The following MYLK variants were observed in gnomAD, a reference collection of about 807,000 sequenced individuals.
MYLK encodes the protein myosin light chain kinase, smooth muscle.
Under a neutral mutation model 203.4 loss-of-function variants are expected in MYLK, and 106 were observed. That is an observed-to-expected ratio of 0.52 (90% CI 0.45 to 0.61). The LOEUF is 0.61. Among genes scored for constraint, MYLK ranks in the 20% least tolerant of loss-of-function variants. The pLI is 0.00. For missense variants in MYLK, 2,072 were observed against 2,442.3 expected (o/e 0.85, Z 3.20); for synonymous variants, 867 against 959.5 (o/e 0.90, Z 1.78).
Position 123,879,873 on chromosome 3 carries a change from C to G in MYLK, c.-185-3256G>C, listed in dbSNP as rs1373183928. Among the ~76,000 whole-genome samples the G allele has an allele frequency of 3.9e-5, 6 of 152,176 alleles. No individual in the cohort carries two copies. In the East Asian group the frequency reaches 1.2e-3, roughly 29 times the overall value. On this transcript the variant is annotated intron_variant, in intron 1 of 33. Coordinates refer to ENST00000360304, the MANE Select transcript of MYLK (RefSeq NM_053025.4). ...GTTTCACCGCGTTAGCCAGGATGGT[C>G]TCAATCTCCTCACCTTGTGATCCAC...
At chr3:123,687,163 A>C (rs1267672177) in intron 19 of MYLK, among the ~76,000 whole-genome samples, 2 of 152,190 alleles carry the variant, frequency 1.3e-5, no homozygotes, top group African/African-American at 4.8e-5. Context: ...CAGAGGTTGC[A>C]GTGAGCCGAG....
intron 16 of MYLK, among the ~76,000 whole-genome samples, chr3:123,703,132 T>C (rs1370819542): frequency 6.6e-6 from 1 of 152,190 alleles, no homozygotes; most frequent in East Asian, 1.9e-4. Context: ...CGTTCTTGTG[T>C]ATTCTGCTGG....
chr3:123,834,659 T>C (rs1480962967), intron 2 of MYLK, among the ~76,000 whole-genome samples: 2 of 152,062 alleles, frequency 1.3e-5, no homozygotes, highest in East Asian at 1.9e-4. Context: ...ATGTCCTACA[T>C]TAAATAGAAT....
intron 2 of MYLK, among the ~76,000 whole-genome samples, chr3:123,851,762 C>G (rs2030833018): frequency 6.6e-6 from 1 of 152,030 alleles, no homozygotes; most frequent in South Asian, 2.1e-4. Flanking sequence ...ATTGCCCTGG[C>G]CAGAACTTCC....
At chr3:123,843,208 G>A (rs565829864) in intron 2 of MYLK, among the ~76,000 whole-genome samples, 14 of 152,246 alleles carry the variant, frequency 9.2e-5, no homozygotes, top group South Asian at 4.1e-4. Flanking sequence ...CAAAGATGCC[G>A]AAGACCAGAT....
At chr3:123,766,543 T>A (rs2063710310) in intron 4 of MYLK, among the ~76,000 whole-genome samples, 1 of 152,226 alleles carries the variant, frequency 6.6e-6, no homozygotes, top group African/African-American at 2.4e-5. Flanking sequence ...CTTACAGGGC[T>A]GGGGCTGGCG....
chr3:123,763,030 C>A (rs1482445041), intron 4 of MYLK, among the ~76,000 whole-genome samples: 1 of 152,174 alleles, frequency 6.6e-6, no homozygotes, highest in Non-Finnish European at 1.5e-5. Context: ...CCATCCCTTA[C>A]CCCCACAAAA....
chr3:123,715,838 T>G (rs1235999059), intron 13 of MYLK: 1 of 152,204 alleles, frequency 6.6e-6, no homozygotes, highest in East Asian at 1.9e-4. Flanking sequence ...TCCTTATAAG[T>G]GTGTTTTTCT....
chr3:123,743,935 G>C (rs2062937325), intron 5 of MYLK, among the ~76,000 whole-genome samples: 1 of 152,190 alleles, frequency 6.6e-6, no homozygotes, highest in Non-Finnish European at 1.5e-5. Context: ...AATCATGCCA[G>C]GATAGCAGGA....
chr3:123,637,678 G>T (rs1258311750), intron 29 of MYLK, among the ~76,000 whole-genome samples: 2 of 152,122 alleles, frequency 1.3e-5, no homozygotes, highest in African/African-American at 4.8e-5. Context: ...AGACAATGAG[G>T]ATGCCCAGAG....
At chr3:123,631,918 G>A (rs1479619318) in intron 29 of MYLK, among the ~76,000 whole-genome samples, 1 of 149,734 alleles carries the variant, frequency 6.7e-6, no homozygotes, top group Non-Finnish European at 1.5e-5. Context: ...TGCCCAGGCT[G>A]GAGTGCAGTG....
chr3:123,805,094 G>A (rs1440629728), intron 3 of MYLK, among the ~76,000 whole-genome samples: 5 of 151,832 alleles, frequency 3.3e-5, no homozygotes, highest in Admixed American at 1.3e-4. Context: ...GCCATCACTC[G>A]TTTGGCTCTG....
intron 19 of MYLK, among the ~76,000 whole-genome samples, chr3:123,688,331 C>T (rs1018180956): frequency 2.0e-5 from 3 of 152,078 alleles, no homozygotes; most frequent in Non-Finnish European, 4.4e-5. Context: ...AACTCTTGAT[C>T]GTGCCCCCCA....
chr3:123,839,969 A>T (rs2066553504), intron 2 of MYLK, among the ~76,000 whole-genome samples: 1 of 152,196 alleles, frequency 6.6e-6, no homozygotes, highest in Non-Finnish European at 1.5e-5. Context: ...AAAATAAGTC[A>T]CAATGAATAT....
intron 29 of MYLK, among the ~76,000 whole-genome samples, chr3:123,636,941 T>C (rs1488332317): frequency 6.6e-6 from 1 of 151,742 alleles, no homozygotes; most frequent in Non-Finnish European, 1.5e-5. Context: ...AAAGTCACAT[T>C]GCACAAAATT....
chr3:123,868,357 A>C (rs1042985886), intron 2 of MYLK, among the ~76,000 whole-genome samples: 1 of 152,258 alleles, frequency 6.6e-6, no homozygotes, highest in African/African-American at 2.4e-5. Flanking sequence ...AGATCATTAT[A>C]ACAGTGTTAC....
chr3:123,816,490 T>C (rs1464744810), intron 3 of MYLK, among the ~76,000 whole-genome samples: 1 of 152,224 alleles, frequency 6.6e-6, no homozygotes, highest in Non-Finnish European at 1.5e-5. Flanking sequence ...AACCAGCTAT[T>C]AGGCGACAGA....
chr3:123,843,799 C>T (rs2066648710), intron 2 of MYLK, among the ~76,000 whole-genome samples: 1 of 152,130 alleles, frequency 6.6e-6, no homozygotes, highest in Admixed American at 6.5e-5. Context: ...CATCATAGCT[C>T]CAAAGGAATC....
At chr3:123,802,463 G>C (rs2065229047) in intron 3 of MYLK, among the ~76,000 whole-genome samples, 1 of 152,246 alleles carries the variant, frequency 6.6e-6, no homozygotes, top group Non-Finnish European at 1.5e-5. Flanking sequence ...ACATCAGCTG[G>C]GCCACATCAG....
Sources: gnomAD v4.1 joint callset for allele counts (sites outside exome capture counted in the v4.1 genomes callset) on GRCh38, gnomAD v4.1.1 for gene constraint, MANE v1.5 for transcripts, NCBI Gene and HGNC (gene_info 2026-07-23, HGNC 2026-07-21) for gene names.